Variants in GPC5 observed in about 807,000 individuals in gnomAD.
GPC5 encodes the protein glypican 5, also known as glypican-5.
GPC5 carries 47 observed loss-of-function variants against 53.9 expected under a neutral mutation model. The observed-to-expected ratio is 0.87, with a 90% CI of 0.69 to 1.11. The LOEUF (loss-of-function observed/expected upper bound fraction) is 1.11, where lower values mean the gene tolerates loss of function less well. Among genes scored for constraint, GPC5 ranks in the 50% most tolerant of loss-of-function variants. The pLI, the probability that GPC5 is intolerant of heterozygous loss-of-function variation, is 0.00. For synonymous variants in GPC5, 286 were observed against 263.3 expected (o/e 1.09, Z -0.84); for missense variants, 748 against 713.1 (o/e 1.05, Z -0.56).
rs1427112249 is a variant in GPC5 at position 91,918,330 on chromosome 13, C to T, written c.1401+10273C>T. ...TTCAAGATGAGATTTTGGGTGAGGA[C>T]ACAGCCAAGCCATATCATATATTTT... is the stretch of plus-strand genomic sequence containing the variant. On this transcript the variant is annotated intron_variant, in intron 6 of 7. Transcript: ENST00000377067. Among the ~76,000 whole-genome samples the T allele has an allele frequency of 3.9e-4, 59 of 152,104 alleles. 1 individual carries two copies. The highest frequency in any genetic ancestry group is 7.6e-4 in the Non-Finnish European group (52 of 68,014).
intron 7 of GPC5, among the ~76,000 whole-genome samples, chr13:92,319,097 A>T (rs1388122938): frequency 6.6e-6 from 1 of 152,156 alleles, no homozygotes; most frequent in African/African-American, 2.4e-5. Context: ...GAAGGGTGGA[A>T]ACTGAAAGAG....
intron 7 of GPC5, among the ~76,000 whole-genome samples, chr13:92,434,630 A>C (rs545864254): frequency 1.3e-5 from 2 of 152,308 alleles, no homozygotes; most frequent in South Asian, 4.1e-4. Flanking sequence ...ATCTGATACT[A>C]TACAGGTTAA....
At chr13:92,628,723 T>C (rs1885138000) in intron 7 of GPC5, among the ~76,000 whole-genome samples, 1 of 152,134 alleles carries the variant, frequency 6.6e-6, no homozygotes, top group Non-Finnish European at 1.5e-5. Flanking sequence ...CTTCTCCAAG[T>C]GTTCAAACCC....
At chr13:92,664,836 A>C (rs922777320) in intron 7 of GPC5, among the ~76,000 whole-genome samples, 1 of 152,188 alleles carries the variant, frequency 6.6e-6, no homozygotes, top group Non-Finnish European at 1.5e-5. Context: ...ATTTACACTA[A>C]GAATCAATCT....
intron 7 of GPC5, among the ~76,000 whole-genome samples, chr13:92,357,462 G>C (rs555563920): frequency 1.3e-5 from 2 of 151,804 alleles, no homozygotes; most frequent in African/African-American, 4.9e-5. Context: ...TTTCTCTAAT[G>C]ATCAGTAATA....
At chr13:92,526,657 G>A (rs1019405198) in intron 7 of GPC5, among the ~76,000 whole-genome samples, 2 of 151,854 alleles carry the variant, frequency 1.3e-5, no homozygotes, top group Non-Finnish European at 2.9e-5. Context: ...TTAGGGGGAT[G>A]GATACCAAGG....
chr13:92,318,080 C>T (rs9284271), intron 7 of GPC5, among the ~76,000 whole-genome samples: 57,644 of 151,970 alleles, frequency 0.38, 11,457 homozygotes, highest in Middle Eastern at 0.5. Flanking sequence ...CTTTTCAAAT[C>T]GGACTATTTG....
chr13:92,199,442 A>T (rs544613154), intron 7 of GPC5, among the ~76,000 whole-genome samples: 2 of 152,336 alleles, frequency 1.3e-5, no homozygotes, highest in South Asian at 2.1e-4. Context: ...GTTATAGAAA[A>T]TGGTTAATTC....
chr13:91,848,079 T>C (rs1410407035), intron 5 of GPC5, among the ~76,000 whole-genome samples: 2 of 152,230 alleles, frequency 1.3e-5, no homozygotes, highest in Non-Finnish European at 2.9e-5. Flanking sequence ...AGTGATGGAA[T>C]GGGCTGCTGC....
chr13:91,572,081 G>C (rs1261707245), intron 2 of GPC5, among the ~76,000 whole-genome samples: 1 of 132,190 alleles, frequency 7.6e-6, no homozygotes, highest in African/African-American at 3.5e-5. Flanking sequence ...ACACACATAT[G>C]TATATGTACA....
At chr13:92,329,577 G>C (rs1036083195) in intron 7 of GPC5, among the ~76,000 whole-genome samples, 1 of 152,078 alleles carries the variant, frequency 6.6e-6, no homozygotes, top group African/African-American at 2.4e-5. Flanking sequence ...ACATATCAAG[G>C]ACTACTTTGG....
At chr13:91,458,396 G>A (rs1358600992) in intron 2 of GPC5, among the ~76,000 whole-genome samples, 1 of 152,060 alleles carries the variant, frequency 6.6e-6, no homozygotes, top group African/African-American at 2.4e-5. Flanking sequence ...ATTGAATGGG[G>A]AAAACTTGAA....
intron 7 of GPC5, among the ~76,000 whole-genome samples, chr13:92,680,104 AT>A (rs1887070274): frequency 6.6e-6 from 1 of 152,172 alleles, no homozygotes; most frequent in South Asian, 2.1e-4. Flanking sequence ...ATTGTCTCAT[AT>A]TTTCTCGGTT....
At position 92,211,472 on chromosome 13, in the gene GPC5, G is replaced by A. The variant is rs186161385; in HGVS notation, c.1561+66483G>A. On this transcript the variant is annotated intron_variant, in intron 7 of 7. Transcript: ENST00000377067. ...ATCAAAACCAACTGTGGTTCTCCCAGCCCTCAATTTTCCAAGAGTTGGTTC... is the reference window on the plus strand; with the variant it reads ...ATCAAAACCAACTGTGGTTCTCCCAACCCTCAATTTTCCAAGAGTTGGTTC... 3.9e-5 allele frequency among the ~76,000 whole-genome samples: 6 copies of A among 152,270 alleles called. No individual in the cohort carries two copies. The East Asian group carries it at 1.2e-3, about 29-fold the overall frequency.
At chr13:92,200,321 C>T (rs1186274999) in intron 7 of GPC5, among the ~76,000 whole-genome samples, 2 of 152,166 alleles carry the variant, frequency 1.3e-5, no homozygotes, top group African/African-American at 2.4e-5. Context: ...GTGACATTTG[C>T]TGTCAAACAA....
intron 5 of GPC5, among the ~76,000 whole-genome samples, chr13:91,836,385 G>A (rs1566294885): frequency 6.6e-6 from 1 of 151,908 alleles, no homozygotes; most frequent in African/African-American, 2.4e-5. Context: ...CTGTATTTCA[G>A]GGACAGAAGC....
At chr13:92,827,879 G>C (rs537556980) in intron 7 of GPC5, among the ~76,000 whole-genome samples, 2 of 152,116 alleles carry the variant, frequency 1.3e-5, no homozygotes, top group South Asian at 2.1e-4. Context: ...TCAATAAAGA[G>C]AGAAAAAGAG....
intron 6 of GPC5, among the ~76,000 whole-genome samples, chr13:92,006,766 TAC>T (rs535745392): frequency 1.3e-5 from 2 of 151,812 alleles, no homozygotes; most frequent in African/African-American, 2.4e-5. Context: ...TTCATAAACA[TAC>T]ACACACACAC....
intron 7 of GPC5, among the ~76,000 whole-genome samples, chr13:92,379,286 A>G (rs534677084): frequency 3.9e-4 from 59 of 152,302 alleles, no homozygotes; most frequent in African/African-American, 1.4e-3. Flanking sequence ...ATCAGAGCTC[A>G]TATTATTCCC....
Sources: allele counts gnomAD v4.1 joint callset (sites outside exome capture counted in the v4.1 genomes callset), GRCh38; gene constraint gnomAD v4.1.1; transcripts MANE v1.5; gene names NCBI Gene and HGNC (gene_info 2026-07-23, HGNC 2026-07-21).